Variants in ITGA1 observed in about 807,000 individuals in gnomAD.
ITGA1 encodes integrin subunit alpha 1.
A neutral mutation model predicts 145.9 loss-of-function variants in ITGA1; 85 were observed. The observed-to-expected ratio is 0.58, with a 90% CI of 0.49 to 0.70. The LOEUF (loss-of-function observed/expected upper bound fraction) is 0.70. Among genes scored for constraint, ITGA1 ranks in the 30% least tolerant of loss-of-function variants. ITGA1 has a pLI of 0.00. For missense variants in ITGA1, 1,351 were observed against 1,418.7 expected (o/e 0.95, Z 0.77); for synonymous variants, 520 against 495.3 (o/e 1.05, Z -0.66).
At chr5:52,935,192 T>C (rs532972947) in intron 23 of ITGA1, among the ~76,000 whole-genome samples, 2 of 152,184 alleles carry the variant, frequency 1.3e-5, no homozygotes, top group Non-Finnish European at 2.9e-5. Context: ...CTGATTATTT[T>C]GCTGAAGTAA....
intron 1 of ITGA1, among the ~76,000 whole-genome samples, chr5:52,838,795 T>C (rs562341494): frequency 6.6e-6 from 1 of 152,232 alleles, no homozygotes; most frequent in East Asian, 1.9e-4. Flanking sequence ...TATTTTCCAG[T>C]CTAAATAATC....
At chr5:52,814,207 C>G (rs983877310) in intron 1 of ITGA1, among the ~76,000 whole-genome samples, 1 of 152,144 alleles carries the variant, frequency 6.6e-6, no homozygotes, top group African/African-American at 2.4e-5. Context: ...AGTGCAGTGG[C>G]GCGATCTCAG....
At chr5:52,886,677 A>G (rs535730929) in intron 7 of ITGA1, among the ~76,000 whole-genome samples, 16 of 152,332 alleles carry the variant, frequency 1.1e-4, no homozygotes, top group Non-Finnish European at 2.4e-4. Flanking sequence ...GTGTGTGTAT[A>G]TATTTATATA....
chr5:52,837,495 T>A (rs1457429855), intron 1 of ITGA1, among the ~76,000 whole-genome samples: 1 of 152,170 alleles, frequency 6.6e-6, no homozygotes. Flanking sequence ...ATGTTTTTAT[T>A]CCCTTTTAGA....
At chr5:52,818,206 T>C (rs1340261053) in intron 1 of ITGA1, among the ~76,000 whole-genome samples, 1 of 152,176 alleles carries the variant, frequency 6.6e-6, no homozygotes, top group East Asian at 1.9e-4. Flanking sequence ...TACATACATC[T>C]ATTCTTTTAG....
At chr5:52,848,269 G>A (rs868334933) in intron 1 of ITGA1, among the ~76,000 whole-genome samples, 3 of 152,194 alleles carry the variant, frequency 2.0e-5, no homozygotes, top group Non-Finnish European at 4.4e-5. Context: ...TCCTTTTGAA[G>A]CAGCAAGGAC....
chr5:52,847,236 CT>C (rs909613146), intron 1 of ITGA1, among the ~76,000 whole-genome samples: 3 of 151,120 alleles, frequency 2.0e-5, no homozygotes, highest in Non-Finnish European at 3.0e-5. Flanking sequence ...ATGGGTGTAT[CT>C]TTTTTTTTGT....
At chr5:52,837,960 A>G (rs1042329656) in intron 1 of ITGA1, among the ~76,000 whole-genome samples, 12 of 152,194 alleles carry the variant, frequency 7.9e-5, no homozygotes, top group African/African-American at 2.9e-4. Context: ...TCAACATTCC[A>G]AGCTACTGAG....
chr5:52,892,989 A>G (rs1383510889), intron 8 of ITGA1, among the ~76,000 whole-genome samples: 1 of 151,952 alleles, frequency 6.6e-6, no homozygotes, highest in African/African-American at 2.4e-5. Context: ...TATATAATTT[A>G]TTGCAATAAA....
At chr5:52,846,763 T>G (rs544549339) in intron 1 of ITGA1, among the ~76,000 whole-genome samples, 2 of 152,338 alleles carry the variant, frequency 1.3e-5, no homozygotes, top group East Asian at 3.9e-4. Context: ...ATATTTGTCC[T>G]GGCCTGTGTC....
At chr5:52,893,870 T>C in intron 9 of ITGA1, 30 bp downstream of exon 9, 1 of 1,536,634 alleles carries the variant, frequency 6.5e-7, no homozygotes, top group East Asian at 2.3e-5. Flanking sequence ...TGCTGCATGT[T>C]CTCTCTGCAA....
At chr5:52,800,866 C>G (rs971203469) in intron 1 of ITGA1, 2 of 1,611,038 alleles carry the variant, frequency 1.2e-6, no homozygotes, top group African/African-American at 2.7e-5. Flanking sequence ...CAGCATGACC[C>G]TCACTCGGGC....
intron 1 of ITGA1, among the ~76,000 whole-genome samples, chr5:52,788,649 C>T (rs1748177956): frequency 6.6e-6 from 1 of 152,196 alleles, no homozygotes; most frequent in Non-Finnish European, 1.5e-5. Flanking sequence ...AGGAGTGAGG[C>T]AGCACTGAAA....
intron 27 of ITGA1, among the ~76,000 whole-genome samples, chr5:52,945,838 G>A (rs969863564): frequency 1.4e-4 from 22 of 152,120 alleles, no homozygotes; most frequent in African/African-American, 4.6e-4. Context: ...ATAAGTATAC[G>A]CTTTTCAAGA....
At chr5:52,798,171 C>T (rs1312087255) in intron 1 of ITGA1, among the ~76,000 whole-genome samples, 1 of 152,120 alleles carries the variant, frequency 6.6e-6, no homozygotes, top group Non-Finnish European at 1.5e-5. Flanking sequence ...GTGATTAGTT[C>T]TTTGCTTAGT....
intron 23 of ITGA1, among the ~76,000 whole-genome samples, chr5:52,937,074 A>G (rs1209781282): frequency 9.2e-5 from 14 of 151,998 alleles, no homozygotes. Context: ...AAAGAAAAAG[A>G]AAAGAATGAG....
chr5:52,891,620 A>G (rs894340992), intron 8 of ITGA1, among the ~76,000 whole-genome samples: 1 of 151,288 alleles, frequency 6.6e-6, no homozygotes, highest in Non-Finnish European at 1.5e-5. Context: ...TATGGTAAAA[A>G]CTAATTTTTT....
At chr5:52,845,429 G>A (rs2111744603) in intron 1 of ITGA1, among the ~76,000 whole-genome samples, 1 of 152,308 alleles carries the variant, frequency 6.6e-6, no homozygotes, top group South Asian at 2.1e-4. Context: ...TCTCGTGGAA[G>A]CGTAGGTAGT....
At chr5:52,884,102 A>G (rs1750008138) in intron 7 of ITGA1, among the ~76,000 whole-genome samples, 1 of 152,204 alleles carries the variant, frequency 6.6e-6, no homozygotes, top group Non-Finnish European at 1.5e-5. Flanking sequence ...GATCTGTTAA[A>G]GACTAACATG....
Sources: allele counts gnomAD v4.1 joint callset (sites outside exome capture counted in the v4.1 genomes callset), GRCh38; gene constraint gnomAD v4.1.1; transcripts MANE v1.5; gene names NCBI Gene and HGNC (gene_info 2026-07-23, HGNC 2026-07-21).